Variants in MEF2A observed in about 807,000 individuals in gnomAD.
MEF2A encodes the protein myocyte-specific enhancer factor 2A.
Under a neutral mutation model 55.8 loss-of-function variants are expected in MEF2A, and 28 were observed. The ratio of observed to expected loss-of-function variants is 0.50; its 90% CI spans 0.37 to 0.69. The LOEUF is 0.69. Among genes scored for constraint, MEF2A ranks in the 30% least tolerant of loss-of-function variants. The pLI is 0.00. For synonymous variants in MEF2A, 239 were observed against 227.1 expected, an observed-to-expected ratio of 1.05 and a Z score of -0.47; for missense variants, 528 against 626.2, an observed-to-expected ratio of 0.84 and a Z score of 1.67.
chr15:99,596,890 C>G (rs1445267273), intron 1 of MEF2A, among the ~76,000 whole-genome samples: 1 of 152,098 alleles, frequency 6.6e-6, no homozygotes, highest in Non-Finnish European at 1.5e-5. Flanking sequence ...GGCAGAAGAA[C>G]GTGGATTGTG....
intron 2 of MEF2A, among the ~76,000 whole-genome samples, chr15:99,618,201 A>G (rs930002431): frequency 2.6e-5 from 4 of 152,198 alleles, no homozygotes; most frequent in African/African-American, 9.6e-5. Context: ...ATGGAATGTT[A>G]GAGCTATGTT....
chr15:99,660,079 C>G (rs1230715154), intron 4 of MEF2A, among the ~76,000 whole-genome samples: 3 of 152,106 alleles, frequency 2.0e-5, no homozygotes, highest in African/African-American at 7.2e-5. Context: ...ACTTTGATAG[C>G]AAAACCAGCT....
intron 4 of MEF2A, 47 bp downstream of exon 4, chr15:99,645,811 T>C (rs2045873406): frequency 2.2e-6 from 3 of 1,353,604 alleles, no homozygotes; most frequent in Admixed American, 2.2e-5. Flanking sequence ...TACTGAAATA[T>C]TTTGTTTAAT....
intron 8 of MEF2A, among the ~76,000 whole-genome samples, chr15:99,702,384 G>A (rs116356593): frequency 0.011 from 1,575 of 149,800 alleles, 24 homozygotes; most frequent in African/African-American, 0.036. Flanking sequence ...TTTCTAGCAT[G>A]TTAATATTTT....
chr15:99,685,599 TTCTGTGCCAG>T (rs1055502679), intron 7 of MEF2A, among the ~76,000 whole-genome samples: 1 of 152,210 alleles, frequency 6.6e-6, no homozygotes, highest in Non-Finnish European at 1.5e-5. Context: ...GATATGCCCC[TTCTGTGCCAG>T]TTTTGCTTAT....
At chr15:99,674,657 G>A (rs767061657) in intron 6 of MEF2A, 45 bp downstream of exon 6, 42 of 1,491,510 alleles carry the variant, frequency 2.8e-5, no homozygotes, top group Non-Finnish European at 3.8e-5. Flanking sequence ...TAAAGAGGGT[G>A]AAAAAATTCA....
chr15:99,704,650 C>T (rs1241691139), intron 9 of MEF2A, among the ~76,000 whole-genome samples: 2 of 152,192 alleles, frequency 1.3e-5, no homozygotes, highest in Non-Finnish European at 2.9e-5. Flanking sequence ...GAAGTCTTCA[C>T]TGCTTTTGAA....
At chr15:99,643,379 T>C (rs2045368937) in intron 3 of MEF2A, among the ~76,000 whole-genome samples, 1 of 152,174 alleles carries the variant, frequency 6.6e-6, no homozygotes, top group Non-Finnish European at 1.5e-5. Context: ...AACAGCTTGT[T>C]TTCTTGCTTT....
At chr15:99,589,069 T>C (rs1314074594) in intron 1 of MEF2A, among the ~76,000 whole-genome samples, 1 of 152,200 alleles carries the variant, frequency 6.6e-6, no homozygotes, top group Non-Finnish European at 1.5e-5. Context: ...TTATTTATAC[T>C]GGCCTCCTTA....
chr15:99,678,785 T>C lies in MEF2A; in HGVS notation c.670+3327T>C, dbSNP rs2052620461. Reference sequence around the variant, plus strand: ...CTGATTGATTTGCTTGTGTGAAAATTGGAAACTTTGTGAATCAAAAGCACT... The same window carrying C: ...CTGATTGATTTGCTTGTGTGAAAATCGGAAACTTTGTGAATCAAAAGCACT... On this transcript the variant is annotated intron_variant, in intron 7 of 11. Coordinates refer to ENST00000557942, the MANE Select transcript of MEF2A (RefSeq NM_001319206.4). The C allele has an allele frequency of 1.2e-5, 8 of 687,258 alleles. No homozygotes were observed. The South Asian group carries it at 5.3e-4, about 45-fold the overall frequency. The allele number at this position is 687,258 out of a possible 1,614,324, so 42.6% of individuals were successfully genotyped here.
intron 1 of MEF2A, among the ~76,000 whole-genome samples, chr15:99,588,753 G>A (rs551835185): frequency 4.0e-5 from 6 of 151,758 alleles, no homozygotes; most frequent in African/African-American, 1.4e-4. Flanking sequence ...AGTTTGCTGA[G>A]TTTTTGTTTT....
At chr15:99,684,410 C>G (rs994307416) in intron 7 of MEF2A, among the ~76,000 whole-genome samples, 1 of 152,168 alleles carries the variant, frequency 6.6e-6, no homozygotes, top group Admixed American at 6.5e-5. Context: ...GCTATTCTTG[C>G]AGGAGTAAGG....
intron 1 of MEF2A, among the ~76,000 whole-genome samples, chr15:99,588,107 T>G (rs1326618888): frequency 1.3e-5 from 2 of 151,162 alleles, no homozygotes; most frequent in African/African-American, 4.9e-5. Context: ...TTTTTTAGTT[T>G]GCTGAGGTGT....
At chr15:99,632,919 C>T (rs2153411288) in intron 2 of MEF2A, 59 bp from the exon 3 acceptor site, 1 of 469,990 alleles carries the variant, frequency 2.1e-6, no homozygotes. Flanking sequence ...ATTTGTATAA[C>T]ACTTACATGA....
intron 4 of MEF2A, among the ~76,000 whole-genome samples, chr15:99,657,720 C>G (rs762390748): frequency 6.6e-6 from 1 of 152,080 alleles, no homozygotes; most frequent in Non-Finnish European, 1.5e-5. Flanking sequence ...ACCCCCAAAA[C>G]CCTTTAAACT....
chr15:99,640,976 C>T (rs996014224), intron 3 of MEF2A, among the ~76,000 whole-genome samples: 2 of 152,182 alleles, frequency 1.3e-5, no homozygotes, highest in African/African-American at 2.4e-5. Flanking sequence ...TGATCCATCT[C>T]TTAACCCACC....
chr15:99,668,199 A>G (rs1011832144), intron 4 of MEF2A, among the ~76,000 whole-genome samples: 14 of 152,258 alleles, frequency 9.2e-5, no homozygotes, highest in Admixed American at 9.2e-4. Flanking sequence ...GATGAAAAAT[A>G]TAGGTGTGTT....
At chr15:99,570,391 A>G (rs1040114396) in intron 1 of MEF2A, among the ~76,000 whole-genome samples, 2 of 152,090 alleles carry the variant, frequency 1.3e-5, no homozygotes, top group African/African-American at 4.8e-5. Flanking sequence ...ACATGAAAAC[A>G]TAAAAAGGAA....
intron 4 of MEF2A, among the ~76,000 whole-genome samples, chr15:99,665,423 T>C (rs1596971563): frequency 6.6e-6 from 1 of 152,056 alleles, no homozygotes; most frequent in East Asian, 1.9e-4. Flanking sequence ...TTACACCTTA[T>C]ACAAAAATTA....
Sources: allele counts gnomAD v4.1 joint callset (sites outside exome capture counted in the v4.1 genomes callset), GRCh38; gene constraint gnomAD v4.1.1; transcripts MANE v1.5; gene names NCBI Gene and HGNC (gene_info 2026-07-23, HGNC 2026-07-21).